Variants in NOS1AP observed in about 807,000 individuals in gnomAD.
NOS1AP encodes nitric oxide synthase 1 adaptor protein.
Under a neutral mutation model 56.2 loss-of-function variants are expected in NOS1AP, and 21 were observed. That is an observed-to-expected ratio of 0.37 (90% CI 0.26 to 0.54). The LOEUF is 0.54. NOS1AP is among the 20% of genes least tolerant of loss of function. The probability of loss-of-function intolerance (pLI) is 0.84; values close to 1 mark genes in which losing one functional copy is unlikely to be tolerated. For missense variants in NOS1AP, 522 were observed against 657.8 expected, an observed-to-expected ratio of 0.79 and a Z score of 2.26; for synonymous variants, 270 against 274.6, an observed-to-expected ratio of 0.98 and a Z score of 0.17.
chr1:162,149,422 T>C (rs948013077), intron 1 of NOS1AP, among the ~76,000 whole-genome samples: 2 of 152,250 alleles, frequency 1.3e-5, no homozygotes, highest in Non-Finnish European at 2.9e-5. Flanking sequence ...CCAGCAAGTA[T>C]GTCTGGTCTT....
In NOS1AP at chr1:162,355,246, G is replaced by A. The variant is rs1445978320; in HGVS notation, c.655G>A (p.Asp219Asn). 2.5e-6 allele frequency: 4 copies of A among 1,614,018 alleles called. No individual in the cohort carries two copies. The highest frequency in any genetic ancestry group is 2.7e-5 in the African/African-American group (2 of 74,908). The change falls in exon 7 of 10, where the codon GAT becomes AAT. Residue 219 changes from aspartate to asparagine, a missense_variant. Physicochemically the swap from Asp to Asn is conservative, Grantham distance 23 (BLOSUM62 1). This residue lies in a region of NOS1AP where 178 missense variants were observed against 165.0 expected (regional missense o/e 1.08). Transcript: ENST00000361897. Reference sequence around the variant, plus strand: ...GGCCACTGCAGAGGAGACTGACATCGATGCGGTGGAGGTCCCACTTCCAGG... The same window carrying A: ...GGCCACTGCAGAGGAGACTGACATCAATGCGGTGGAGGTCCCACTTCCAGG... ...STATAEETDI[D>N]AVEVPLPGND...
rs993550515 is a variant in NOS1AP, at chr1:162,355,305, T to A, written c.714T>A (p.Thr238=). 3.1e-6 allele frequency: 5 copies of A among 1,614,140 alleles called. No homozygotes were observed. The highest frequency in any genetic ancestry group is 4.2e-6 in the Non-Finnish European group (5 of 1,180,026). The part of the protein sequence containing the change: ...NDVLEFSRGV[T]DLDAVGKEGG... ...TCCTGGAATTCAGCCGAGGTGTGAC[T>A]GATCTAGATGCTGTAGGGAAGGAAG... The change falls in exon 7 of 10, where the codon ACT becomes ACA. Residue 238 remains threonine, a synonymous_variant. Transcript: ENST00000361897.
chr1:162,296,713 C>G (rs1344816780), intron 3 of NOS1AP, among the ~76,000 whole-genome samples: 3 of 152,308 alleles, frequency 2.0e-5, no homozygotes, highest in African/African-American at 7.2e-5. Flanking sequence ...CCTCATTATT[C>G]TTTCCTTTTA....
At chr1:162,115,769 A>G (rs1284565322) in intron 1 of NOS1AP, among the ~76,000 whole-genome samples, 1 of 152,166 alleles carries the variant, frequency 6.6e-6, no homozygotes, top group Admixed American at 6.5e-5. Context: ...GGCAGGGAGG[A>G]GGAAGAGAAT....
chr1:162,278,723 CATACTGTGGTA>C (rs1654825946), intron 2 of NOS1AP, among the ~76,000 whole-genome samples: 1 of 150,078 alleles, frequency 6.7e-6, no homozygotes, highest in Non-Finnish European at 1.5e-5. Context: ...AGATATGAAT[CATACTGTGGTA>C]ACAGTGTTAT....
At chr1:162,218,187 G>C (rs1022544899) in intron 2 of NOS1AP, among the ~76,000 whole-genome samples, 6 of 152,192 alleles carry the variant, frequency 3.9e-5, no homozygotes, top group Admixed American at 2.6e-4. Context: ...TCTATTTGAA[G>C]CAGTTCCGGG....
intron 2 of NOS1AP, among the ~76,000 whole-genome samples, chr1:162,268,117 G>A (rs1654481172): frequency 6.6e-6 from 1 of 152,078 alleles, no homozygotes; most frequent in Non-Finnish European, 1.5e-5. Flanking sequence ...AAATTAGCCA[G>A]GCATGGTGGC....
intron 1 of NOS1AP, among the ~76,000 whole-genome samples, chr1:162,151,171 TC>T (rs1328372591): frequency 2.0e-5 from 3 of 152,348 alleles, no homozygotes; most frequent in African/African-American, 7.2e-5. Flanking sequence ...GTTTTATTCT[TC>T]TACATATGGA....
intron 3 of NOS1AP, among the ~76,000 whole-genome samples, chr1:162,290,550 A>C (rs1557865507): frequency 6.6e-6 from 1 of 152,234 alleles, no homozygotes; most frequent in Non-Finnish European, 1.5e-5. Flanking sequence ...GGCAAATGTC[A>C]CTGATCACCA....
At chr1:162,199,507 G>T (rs1031754943) in intron 2 of NOS1AP, among the ~76,000 whole-genome samples, 3 of 152,056 alleles carry the variant, frequency 2.0e-5, no homozygotes, top group African/African-American at 7.2e-5. Context: ...TGGGCTTTTA[G>T]TGGTTTCTGT....
intron 8 of NOS1AP, among the ~76,000 whole-genome samples, chr1:162,362,035 G>A (rs1413264382): frequency 2.0e-5 from 3 of 152,226 alleles, no homozygotes; most frequent in Non-Finnish European, 2.9e-5. Context: ...AGAAACTGAG[G>A]TCCAGAGAGA....
chr1:162,152,371 G>A (rs1571068485), intron 1 of NOS1AP, among the ~76,000 whole-genome samples: 1 of 152,196 alleles, frequency 6.6e-6, no homozygotes, highest in African/African-American at 2.4e-5. Context: ...CAGCATTCAG[G>A]GCAGGAGCCA....
intron 1 of NOS1AP, among the ~76,000 whole-genome samples, chr1:162,073,827 G>T (rs1451170916): frequency 6.6e-6 from 1 of 152,164 alleles, no homozygotes; most frequent in African/African-American, 2.4e-5. Flanking sequence ...AGGGAAACCT[G>T]TTGTCTGTGT....
At chr1:162,173,911 A>G (rs923385421) in intron 2 of NOS1AP, among the ~76,000 whole-genome samples, 11 of 152,218 alleles carry the variant, frequency 7.2e-5, no homozygotes, top group Non-Finnish European at 1.2e-4. Context: ...AGGAAACAAC[A>G]GGTGCTAGAG....
rs1409892112 is a variant in NOS1AP at position 162,208,179 on chromosome 1, G to A, written c.177+53703G>A. 1.8e-4 allele frequency among the ~76,000 whole-genome samples: 28 copies of A among 152,118 alleles called. 1 individual carries two copies. ...TCACCTGGCAGGGGCCTCCCAGCCT[G>A]CCTATTCCAATCTTACCTGCCCTCC... On this transcript the variant is annotated intron_variant, in intron 2 of 9. Transcript: ENST00000361897.
At chr1:162,356,176 T>C (rs1291630746) in intron 7 of NOS1AP, among the ~76,000 whole-genome samples, 2 of 152,174 alleles carry the variant, frequency 1.3e-5, no homozygotes, top group African/African-American at 4.8e-5. Flanking sequence ...CAGCCCTGTG[T>C]CACTGGGGGC....
intron 3 of NOS1AP, among the ~76,000 whole-genome samples, chr1:162,299,310 T>C (rs1036406958): frequency 2.6e-5 from 4 of 151,902 alleles, no homozygotes; most frequent in African/African-American, 9.7e-5. Flanking sequence ...TGTGTCTCTA[T>C]GCCATGCAGA....
At chr1:162,283,304 G>A (rs1350830972) in intron 2 of NOS1AP, among the ~76,000 whole-genome samples, 1 of 152,076 alleles carries the variant, frequency 6.6e-6, no homozygotes, top group Non-Finnish European at 1.5e-5. Context: ...GGACTCTGAG[G>A]AAGTAATTCT....
chr1:162,314,263 A>G (rs1656155806), intron 4 of NOS1AP, among the ~76,000 whole-genome samples: 1 of 152,218 alleles, frequency 6.6e-6, no homozygotes, highest in African/African-American at 2.4e-5. Flanking sequence ...TACCAAAGCA[A>G]TCAAAATTAA....
Sources: allele counts gnomAD v4.1 joint callset (sites outside exome capture counted in the v4.1 genomes callset), GRCh38; gene constraint gnomAD v4.1.1; regional missense constraint gnomAD v4.1.1; transcripts MANE v1.5; gene names NCBI Gene and HGNC (gene_info 2026-07-23, HGNC 2026-07-21).